The following STXBP5L variants were observed in gnomAD, a reference collection of about 807,000 sequenced individuals.
STXBP5L encodes the protein syntaxin-binding protein 5-like.
A neutral mutation model predicts 144.5 loss-of-function variants in STXBP5L; 65 were observed. That is an observed-to-expected ratio of 0.45 (90% confidence interval 0.37 to 0.55). The LOEUF (loss-of-function observed/expected upper bound fraction) is 0.55, where lower values mean the gene tolerates loss of function less well. Ranked by LOEUF, STXBP5L falls within the 20% of genes least tolerant of loss-of-function variation. The pLI, the probability that STXBP5L is intolerant of heterozygous loss-of-function variation, is 0.00. For missense variants in STXBP5L, 1,298 were observed against 1,405.5 expected, an observed-to-expected ratio of 0.92 and a Z score of 1.22; for synonymous variants, 505 against 469.6, an observed-to-expected ratio of 1.08 and a Z score of -0.97.
intron 7 of STXBP5L, among the ~76,000 whole-genome samples, chr3:121,142,855 C>T (rs987408327): frequency 6.6e-6 from 1 of 151,008 alleles, no homozygotes; most frequent in African/African-American, 2.4e-5. Context: ...AAACTAAGCA[C>T]AAATGTAGTG....
At chr3:121,386,178 A>G (rs1238504723) in intron 22 of STXBP5L, among the ~76,000 whole-genome samples, 1 of 152,168 alleles carries the variant, frequency 6.6e-6, no homozygotes, top group Non-Finnish European at 1.5e-5. Flanking sequence ...AAGGCCTCAT[A>G]CACAATAGTC....
intron 19 of STXBP5L, among the ~76,000 whole-genome samples, chr3:121,282,536 A>T (rs1048252157): frequency 2.0e-5 from 3 of 151,966 alleles, no homozygotes; most frequent in African/African-American, 7.2e-5. Flanking sequence ...TCCTGTACCC[A>T]TTCAATCATA....
chr3:121,089,405 T>A (rs2042665177), intron 5 of STXBP5L, among the ~76,000 whole-genome samples: 1 of 151,976 alleles, frequency 6.6e-6, no homozygotes, highest in Non-Finnish European at 1.5e-5. Flanking sequence ...GTTTTTCATT[T>A]TATACACCTG....
chr3:121,319,818 C>G (rs1266950923), intron 20 of STXBP5L, among the ~76,000 whole-genome samples: 1 of 152,050 alleles, frequency 6.6e-6, no homozygotes, highest in African/African-American at 2.4e-5. Context: ...TACGTAACTT[C>G]AAATTTTGTT....
chr3:121,008,948 A>T (rs1028826069), intron 3 of STXBP5L, among the ~76,000 whole-genome samples: 4 of 151,180 alleles, frequency 2.6e-5, no homozygotes, highest in Non-Finnish European at 5.9e-5. Context: ...TTTTTTACCA[A>T]GTGGGTGGTT....
intron 20 of STXBP5L, among the ~76,000 whole-genome samples, chr3:121,373,708 A>G (rs1386080739): frequency 3.9e-5 from 6 of 152,018 alleles, no homozygotes; most frequent in Non-Finnish European, 7.4e-5. Context: ...CTGCCCTACT[A>G]TGGACACCAC....
At chr3:121,177,339 A>C (rs185412534) in intron 9 of STXBP5L, among the ~76,000 whole-genome samples, 32 of 152,270 alleles carry the variant, frequency 2.1e-4, no homozygotes, top group Non-Finnish European at 4.7e-4. Flanking sequence ...AGTGGGGAAA[A>C]ATATTTCTAA....
intron 5 of STXBP5L, among the ~76,000 whole-genome samples, chr3:121,051,914 C>A (rs910793293): frequency 6.6e-6 from 1 of 151,956 alleles, no homozygotes; most frequent in Non-Finnish European, 1.5e-5. Context: ...ATATCACCAC[C>A]GATCCCACAG....
At chr3:121,043,893 T>A (rs1252984815) in intron 4 of STXBP5L, among the ~76,000 whole-genome samples, 1 of 152,166 alleles carries the variant, frequency 6.6e-6, no homozygotes, top group Non-Finnish European at 1.5e-5. Flanking sequence ...TCATGTTCTA[T>A]CCTCACCCCA....
intron 20 of STXBP5L, among the ~76,000 whole-genome samples, chr3:121,335,860 C>T (rs2108569672): frequency 6.6e-6 from 1 of 152,172 alleles, no homozygotes; most frequent in African/African-American, 2.4e-5. Context: ...TAGAAACCGG[C>T]AAAGATTTCA....
At chr3:121,410,609 G>C (rs1436437641) in intron 23 of STXBP5L, among the ~76,000 whole-genome samples, 1 of 151,874 alleles carries the variant, frequency 6.6e-6, no homozygotes, top group Non-Finnish European at 1.5e-5. Flanking sequence ...ATAGATATCA[G>C]GTAGCTAGCC....
At chr3:121,095,123 C>T (rs2043045631) in intron 5 of STXBP5L, among the ~76,000 whole-genome samples, 1 of 152,202 alleles carries the variant, frequency 6.6e-6, no homozygotes, top group Non-Finnish European at 1.5e-5. Context: ...CCCCCAGTGT[C>T]TTCTGGCTTG....
At chr3:121,197,466 T>C (rs1447481514) in intron 9 of STXBP5L, among the ~76,000 whole-genome samples, 1 of 152,174 alleles carries the variant, frequency 6.6e-6, no homozygotes, top group Admixed American at 6.5e-5. Flanking sequence ...ATTAAATGAA[T>C]ATTTTTAAAA....
intron 3 of STXBP5L, among the ~76,000 whole-genome samples, chr3:121,035,582 A>G (rs967643337): frequency 6.6e-6 from 1 of 152,114 alleles, no homozygotes; most frequent in African/African-American, 2.4e-5. Context: ...CTATTTTTAT[A>G]TCAATATGCT....
chr3:121,166,172 A>G (rs2046491636), intron 9 of STXBP5L, among the ~76,000 whole-genome samples: 1 of 152,028 alleles, frequency 6.6e-6, no homozygotes, highest in South Asian at 2.1e-4. Flanking sequence ...ACACCCAGCT[A>G]ATTTTTATAC....
intron 20 of STXBP5L, among the ~76,000 whole-genome samples, chr3:121,342,985 T>C (rs980885015): frequency 7.9e-5 from 12 of 151,182 alleles, no homozygotes; most frequent in Admixed American, 6.6e-4. Flanking sequence ...TGTTCCTATT[T>C]CTCCACATCC....
chr3:121,313,133 A>T (rs2043608174), intron 19 of STXBP5L, among the ~76,000 whole-genome samples: 1 of 133,552 alleles, frequency 7.5e-6, no homozygotes, highest in Non-Finnish European at 1.6e-5. Flanking sequence ...CTGGCCAGGC[A>T]GAGGGGTCCT....
chr3:121,336,996 A>G (rs899262924), intron 20 of STXBP5L, among the ~76,000 whole-genome samples: 1 of 152,200 alleles, frequency 6.6e-6, no homozygotes, highest in Non-Finnish European at 1.5e-5. Flanking sequence ...AAACGAATGC[A>G]GGAACAGAAA....
chr3:121,190,203 G>A (rs979599941), intron 9 of STXBP5L, among the ~76,000 whole-genome samples: 1 of 152,124 alleles, frequency 6.6e-6, no homozygotes, highest in South Asian at 2.1e-4. Context: ...AGGGCCCTGC[G>A]GCCTTCCGCA....
Sources: gnomAD v4.1 joint callset for allele counts (sites outside exome capture counted in the v4.1 genomes callset) on GRCh38, gnomAD v4.1.1 for gene constraint, MANE v1.5 for transcripts, NCBI Gene and HGNC (gene_info 2026-07-23, HGNC 2026-07-21) for gene names.